PCDHA3: variants seen among roughly 807,000 people sequenced by gnomAD.
The protein encoded by PCDHA3 is protocadherin alpha 3.
A neutral mutation model predicts 62.2 loss-of-function variants in PCDHA3; 41 were observed. The observed-to-expected ratio is 0.66, with a 90% CI of 0.51 to 0.86. The LOEUF is 0.86. PCDHA3 is among the 40% of genes least tolerant of loss of function. The probability of loss-of-function intolerance (pLI) is 0.00; values close to 1 mark genes in which losing one functional copy is unlikely to be tolerated. For synonymous variants in PCDHA3, 640 were observed against 555.4 expected, an observed-to-expected ratio of 1.15 and a Z score of -2.14; for missense variants, 1,304 against 1,241.2, an observed-to-expected ratio of 1.05 and a Z score of -0.76.
At position 141,009,798 on chromosome 5, in the gene PCDHA3, A is replaced by T; in HGVS notation, c.2714A>T (p.Asn905Ile). 1 of 1,614,116 alleles carries T rather than the reference A, an allele frequency of 6.2e-7. No individual in the cohort carries two copies. The highest frequency in any genetic ancestry group is 2.2e-5 in the East Asian group (1 of 44,868). Residue 905 changes from asparagine (N) to isoleucine (I), a missense_variant, in exon 4 of 4, where the codon AAC (asparagine) becomes ATC (isoleucine). Asn to Ile is a moderately radical substitution (Grantham distance 149). Coordinates refer to ENST00000522353, the MANE Select transcript of PCDHA3 (RefSeq NM_018906.3). The stretch of plus-strand genomic sequence containing the variant: ...ATCTCCATCCGGCAGGAGCCTACTA[A>T]CAGCCAAATTGACAAAAGTGACTTC... Reference protein sequence around the residue: ...AIISIRQEPTNSQIDKSDFIT... With the variant: ...AIISIRQEPTISQIDKSDFIT...
rs1478499072 is a variant in PCDHA3 at position 140,882,356 on chromosome 5, C to T, written c.2394+78765C>T. 4 of 1,614,070 alleles carry T rather than the reference C, an allele frequency of 2.5e-6. No individual in the cohort carries two copies. The Admixed American group carries it at 5.0e-5, about 20-fold the overall frequency. On this transcript the variant is annotated intron_variant, in intron 1 of 3. Coordinates refer to ENST00000522353, the MANE Select transcript of PCDHA3 (RefSeq NM_018906.3). ...CGCAGCCTGGGAGACGGGTAGTGGC[C>T]AGCTCCACTACTCCGTCCCCGAGGA... is the stretch of plus-strand genomic sequence containing the variant.
chr5:141,002,059 G>A (rs983772482), intron 3 of PCDHA3, among the ~76,000 whole-genome samples: 1 of 152,242 alleles, frequency 6.6e-6, no homozygotes, highest in Non-Finnish European at 1.5e-5. Flanking sequence ...AGAGGCAGCA[G>A]CAGCCGCCAG....
At chr5:140,858,475 G>A in intron 1 of PCDHA3, 1 of 1,517,006 alleles carries the variant, frequency 6.6e-7, no homozygotes, top group Non-Finnish European at 9.0e-7. Flanking sequence ...TGTGCTTTAT[G>A]AATAATATTT....
rs2150130231 is a variant in PCDHA3, at chr5:140,823,910, T to G, written c.2394+20319T>G. On this transcript the variant is annotated intron_variant, in intron 1 of 3. Coordinates refer to ENST00000522353, the MANE Select transcript of PCDHA3 (RefSeq NM_018906.3). Reference sequence around the variant, plus strand: ...TGTGCGGTGTCCAGCCTGCTGGTGCTCACGCTGCTGCTGTACACCGCGCTG... The same window carrying G: ...TGTGCGGTGTCCAGCCTGCTGGTGCGCACGCTGCTGCTGTACACCGCGCTG... The G allele has an allele frequency of 2.2e-4, 363 of 1,613,972 alleles. No individual in the cohort carries two copies. The African/African-American group carries it at 4.2e-3, about 19-fold the overall frequency.
chr5:140,942,641 G>T (rs1198552335), intron 1 of PCDHA3, among the ~76,000 whole-genome samples: 1 of 151,754 alleles, frequency 6.6e-6, no homozygotes, highest in African/African-American at 2.4e-5. Flanking sequence ...TGGCAAAAGA[G>T]ATCTCATTCA....
intron 1 of PCDHA3, among the ~76,000 whole-genome samples, chr5:140,880,163 AGAAGTTAAACAT>A (rs2058253523): frequency 6.6e-6 from 1 of 152,260 alleles, no homozygotes; most frequent in Admixed American, 6.5e-5. Flanking sequence ...AGTATATGTT[AGAAGTTAAACAT>A]GAAGGGAAAA....
rs782195065 is a variant in PCDHA3 at position 140,808,655 on chromosome 5, G to T, written c.2394+5064G>T. 8 of 1,613,096 alleles carry T rather than the reference G, an allele frequency of 5.0e-6. No individual in the cohort carries two copies. In the South Asian group the frequency reaches 8.8e-5, roughly 18 times the overall value. On this transcript the variant is annotated intron_variant, in intron 1 of 3. Transcript: ENST00000522353. ...CGCGGACGCGCAGGAGAACGCGCTGGTGTCCTACTCGCTGGTAGAGCGGCG... is the reference window on the plus strand; with the variant it reads ...CGCGGACGCGCAGGAGAACGCGCTGTTGTCCTACTCGCTGGTAGAGCGGCG...
chr5:140,856,512 G>T lies in PCDHA3; in HGVS notation c.2394+52921G>T, dbSNP rs781905206. On this transcript the variant is annotated intron_variant, in intron 1 of 3. Transcript: ENST00000522353. ...CTTGACTCTCGATTTCCACTAGAAG[G>T]CGCATCTGATGCGGATGTTGGAGAG... 1.9e-6 allele frequency: 3 copies of T among 1,598,396 alleles called. No individual in the cohort carries two copies. The South Asian group carries it at 3.3e-5, about 18-fold the overall frequency.
At chr5:140,894,236 T>C (rs1205163436) in intron 1 of PCDHA3, among the ~76,000 whole-genome samples, 7 of 152,250 alleles carry the variant, frequency 4.6e-5, no homozygotes, top group South Asian at 2.1e-4. Context: ...TGAATGACAA[T>C]GTAATTTTCT....
At chr5:140,997,206 T>A (rs2097763489) in intron 3 of PCDHA3, among the ~76,000 whole-genome samples, 1 of 152,118 alleles carries the variant, frequency 6.6e-6, no homozygotes, top group Non-Finnish European at 1.5e-5. Context: ...ATTGACATCA[T>A]TATTGAAACT....
chr5:140,869,211 G>C (rs375218342), intron 1 of PCDHA3: 26 of 1,613,838 alleles, frequency 1.6e-5, no homozygotes, highest in African/African-American at 1.5e-4. Flanking sequence ...ACTCCGTCTC[G>C]GAGGAGGCCA....
rs182063339 is a variant in PCDHA3 at position 140,937,439 on chromosome 5, T to C, written c.2395-41510T>C. Among the ~76,000 whole-genome samples, 830 of 152,312 alleles carry C rather than the reference T, an allele frequency of 5.4e-3. 3 individuals are homozygous for C. The highest frequency in any genetic ancestry group is 0.019 in the African/African-American group (799 of 41,586). Reference sequence around the variant, plus strand: ...TAGATAGCTGATATTTTAATGCTATTTTAAAAGTTTAATTTTATAATACAA... The same window carrying C: ...TAGATAGCTGATATTTTAATGCTATCTTAAAAGTTTAATTTTATAATACAA... On this transcript the variant is annotated intron_variant, in intron 1 of 3. Coordinates refer to ENST00000522353, the MANE Select transcript of PCDHA3 (RefSeq NM_018906.3).
At chr5:140,915,469 A>G (rs2077137068) in intron 1 of PCDHA3, among the ~76,000 whole-genome samples, 1 of 152,034 alleles carries the variant, frequency 6.6e-6, no homozygotes, top group Admixed American at 6.6e-5. Context: ...TTTTTATTTG[A>G]AGGAGCTTGG....
rs7707310 is a variant in PCDHA3, at chr5:140,803,680, G to T, written c.2394+89G>T. 12,241 of 1,584,414 alleles carry T rather than the reference G, an allele frequency of 7.7e-3. 807 individuals are homozygous for T. In the African/African-American group the frequency reaches 0.14, roughly 19 times the overall value. On this transcript the variant is annotated intron_variant, in intron 1 of 3. Coordinates refer to ENST00000522353, the MANE Select transcript of PCDHA3 (RefSeq NM_018906.3). ...CCTCTGGAAATACATTAATAGTTAA[G>T]TATGAATTATGTGATTCATAATTAG...
intron 1 of PCDHA3, among the ~76,000 whole-genome samples, chr5:140,844,191 G>A (rs1554140562): frequency 6.7e-6 from 1 of 149,410 alleles, no homozygotes; most frequent in South Asian, 2.1e-4. Flanking sequence ...CATCTTATCT[G>A]ACTTTTTAGT....
intron 1 of PCDHA3, among the ~76,000 whole-genome samples, chr5:140,839,721 T>C (rs2150300331): frequency 6.6e-6 from 1 of 152,184 alleles, no homozygotes; most frequent in East Asian, 1.9e-4. Flanking sequence ...ATTTAAATCA[T>C]TTCACAGAAA....
In PCDHA3 at chr5:140,876,910, T is replaced by C. The variant is rs184817309; in HGVS notation, c.2394+73319T>C. On this transcript the variant is annotated intron_variant, in intron 1 of 3. Transcript: ENST00000522353. ...CTGCCACATCTTCACGGTGTCGGCA[T>C]GGGACGCGGACGCGCAGAAGAACGC... 5 of 1,613,976 alleles carry C rather than the reference T, an allele frequency of 3.1e-6. No individual in the cohort carries two copies. In the African/African-American group the frequency reaches 4.0e-5, roughly 13 times the overall value.
chr5:140,808,769 C>A, intron 1 of PCDHA3: 2 of 1,612,380 alleles, frequency 1.2e-6, no homozygotes, highest in Non-Finnish European at 1.7e-6. Context: ...CCACGAGGAG[C>A]TAGAGCTGCT....
intron 1 of PCDHA3, chr5:140,841,504 G>T (rs2150316836): frequency 1.2e-6 from 2 of 1,613,362 alleles, no homozygotes; most frequent in East Asian, 4.5e-5. Context: ...AGCTGGTGCC[G>T]CGCCTGTTCC....
Sources: gnomAD v4.1 joint callset for allele counts (sites outside exome capture counted in the v4.1 genomes callset) on GRCh38, gnomAD v4.1.1 for gene constraint, MANE v1.5 for transcripts, NCBI Gene and HGNC (gene_info 2026-07-23, HGNC 2026-07-21) for gene names.